Variants in IPO11 observed in about 807,000 individuals in gnomAD.
The protein encoded by IPO11 is importin 11.
Under a neutral mutation model 143.2 loss-of-function variants are expected in IPO11, and 66 were observed. The observed-to-expected ratio is 0.46, with a 90% CI of 0.38 to 0.57. IPO11 has a LOEUF of 0.57. IPO11 is among the 20% of genes least tolerant of loss of function. IPO11 has a pLI of 0.00. For synonymous variants in IPO11, 385 were observed against 377.8 expected, an observed-to-expected ratio of 1.02 and a Z score of -0.22; for missense variants, 1,026 against 1,141.0, an observed-to-expected ratio of 0.90 and a Z score of 1.45.
chr5:62,510,716 A>C (rs1368623485), intron 19 of IPO11, among the ~76,000 whole-genome samples: 1 of 151,700 alleles, frequency 6.6e-6, no homozygotes, highest in Non-Finnish European at 1.5e-5. Context: ...TATATCTTTC[A>C]CAGCAGTCGG....
intron 29 of IPO11, among the ~76,000 whole-genome samples, chr5:62,607,973 C>G (rs1421224544): frequency 1.3e-5 from 2 of 152,200 alleles, no homozygotes; most frequent in Admixed American, 1.3e-4. Context: ...TGCACCACCA[C>G]TGCTGGATAA....
chr5:62,557,397 G>A (rs1196135566), intron 26 of IPO11, among the ~76,000 whole-genome samples: 1 of 152,094 alleles, frequency 6.6e-6, no homozygotes, highest in Non-Finnish European at 1.5e-5. Context: ...TGGTCAGGCT[G>A]GTCTTGAACT....
chr5:62,435,136 G>GTATATATGTATATATGTATATATATGTA (rs1561308893), intron 1 of IPO11, among the ~76,000 whole-genome samples: 20 of 95,862 alleles, frequency 2.1e-4, no homozygotes, highest in South Asian at 5.9e-4. Context: ...GTATATATAT[G>GTATATATGTATATATGTATATATATGTA]TATATATGTA....
chr5:62,623,998 A>G (rs575618591), intron 29 of IPO11, among the ~76,000 whole-genome samples: 4 of 151,066 alleles, frequency 2.6e-5, no homozygotes, highest in African/African-American at 4.9e-5. Flanking sequence ...GGGGTGGTCA[A>G]TTCTTAGAAC....
At chr5:62,532,538 A>G (rs1050788456) in intron 22 of IPO11, among the ~76,000 whole-genome samples, 2 of 152,022 alleles carry the variant, frequency 1.3e-5, no homozygotes, top group Admixed American at 6.5e-5. Context: ...TTGTATTTTT[A>G]GTAGTGATGG....
chr5:62,475,346 C>A (rs1319600372), intron 8 of IPO11, among the ~76,000 whole-genome samples: 1 of 152,124 alleles, frequency 6.6e-6, no homozygotes, highest in Non-Finnish European at 1.5e-5. Flanking sequence ...CATGACGAAA[C>A]CCTGTCTCTA....
intron 24 of IPO11, among the ~76,000 whole-genome samples, chr5:62,544,980 C>T (rs1048177131): frequency 2.6e-5 from 4 of 152,152 alleles, no homozygotes; most frequent in African/African-American, 7.2e-5. Flanking sequence ...ATTCCATGCT[C>T]ATGGATAGGA....
At chr5:62,497,616 G>A (rs1304702520) in intron 16 of IPO11, among the ~76,000 whole-genome samples, 1 of 152,126 alleles carries the variant, frequency 6.6e-6, no homozygotes, top group Admixed American at 6.5e-5. Context: ...CTATAGGAGT[G>A]TACCACTATG....
At chr5:62,449,903 A>G in intron 3 of IPO11, 24 bp from the exon 4 acceptor site, 2 of 1,454,054 alleles carry the variant, frequency 1.4e-6, no homozygotes, top group Non-Finnish European at 1.8e-6. Flanking sequence ...CTTTTGCATA[A>G]TCAATACTTT....
intron 16 of IPO11, among the ~76,000 whole-genome samples, chr5:62,503,036 T>A (rs964451678): frequency 1.3e-5 from 2 of 151,824 alleles, no homozygotes; most frequent in African/African-American, 4.8e-5. Flanking sequence ...TGTTGGCCAG[T>A]CTGGTCTCGA....
intron 29 of IPO11, among the ~76,000 whole-genome samples, chr5:62,622,664 G>A (rs1407766460): frequency 6.6e-6 from 1 of 152,052 alleles, no homozygotes; most frequent in Non-Finnish European, 1.5e-5. Context: ...TTTAAATAAA[G>A]CACACTGCAG....
Position 62,526,124 on chromosome 5 carries a change from T to C in IPO11, c.1897-18T>C. 1 of 1,540,684 alleles carries C rather than the reference T, an allele frequency of 6.5e-7. No individual in the cohort carries two copies. Among genetic ancestry groups the C allele is most frequent in the Non-Finnish European group, 9.0e-7 (1 of 1,114,088 alleles). On this transcript the variant is annotated intron_variant, in intron 20 of 29. Coordinates refer to ENST00000325324, the MANE Select transcript of IPO11 (RefSeq NM_016338.5). The stretch of plus-strand genomic sequence containing the variant: ...CATTAGAGTGTCTTATTATAAGTTT[T>C]ATTTATACTTCCCATAGGGATTAGG...
chr5:62,478,879 T>C (rs1746069833), intron 9 of IPO11, among the ~76,000 whole-genome samples: 2 of 152,214 alleles, frequency 1.3e-5, no homozygotes, highest in African/African-American at 4.8e-5. Context: ...TAAGTATTGT[T>C]CTGTATTGTA....
chr5:62,535,431 G>A (rs1047073304), intron 22 of IPO11, among the ~76,000 whole-genome samples: 3 of 152,092 alleles, frequency 2.0e-5, no homozygotes, highest in African/African-American at 4.8e-5. Context: ...TCTCCTTGAG[G>A]AGAAAAGGAT....
intron 20 of IPO11, among the ~76,000 whole-genome samples, chr5:62,524,120 A>C (rs1183051029): frequency 6.6e-6 from 1 of 152,100 alleles, no homozygotes; most frequent in Non-Finnish European, 1.5e-5. Flanking sequence ...TATTGTAGGC[A>C]ATGTCTTGTA....
At chr5:62,575,098 AC>A (rs1744264942) in intron 27 of IPO11, among the ~76,000 whole-genome samples, 1 of 152,378 alleles carries the variant, frequency 6.6e-6, no homozygotes, top group East Asian at 1.9e-4. Context: ...TTTAAAGCAT[AC>A]ATTAAAAACT....
chr5:62,422,365 G>C (rs1409697960), intron 1 of IPO11: 2 of 152,324 alleles, frequency 1.3e-5, no homozygotes, highest in African/African-American at 4.8e-5. Flanking sequence ...GACCTCAGGT[G>C]ATCTGCCTGC....
At chr5:62,530,678 A>T in intron 21 of IPO11, 31 bp from the exon 22 acceptor site, 1 of 1,426,610 alleles carries the variant, frequency 7.0e-7, no homozygotes, top group Non-Finnish European at 9.9e-7. Flanking sequence ...GGGCATGGAA[A>T]GTGGTTTAAT....
intron 24 of IPO11, among the ~76,000 whole-genome samples, chr5:62,542,154 C>A (rs145952777): frequency 0.016 from 2,375 of 151,762 alleles, 38 homozygotes; most frequent in Middle Eastern, 0.034. Flanking sequence ...CGGCTCACCA[C>A]AACCTCAAAA....
Sources: gnomAD v4.1 joint callset for allele counts (sites outside exome capture counted in the v4.1 genomes callset) on GRCh38, gnomAD v4.1.1 for gene constraint, MANE v1.5 for transcripts, NCBI Gene and HGNC (gene_info 2026-07-23, HGNC 2026-07-21) for gene names.